CDKN2B-AS1: variants seen among roughly 807,000 people sequenced by gnomAD.
CDKN2B-AS1 encodes the protein CDKN2B antisense RNA 1 (non-protein coding).
chr9:22,046,173 G>A (rs1823101953), intron 1 of CDKN2B-AS1: 1 of 152,014 alleles, frequency 6.6e-6, no homozygotes, highest in Non-Finnish European at 1.5e-5. Context: ...CAAAGTGGAG[G>A]ACTATATCTA....
intron 4 of CDKN2B-AS1, among the ~76,000 whole-genome samples, chr9:22,090,162 CT>C (rs1316555616): frequency 6.6e-6 from 1 of 152,034 alleles, no homozygotes; most frequent in Non-Finnish European, 1.5e-5. Flanking sequence ...TGAACTCATC[CT>C]TTTTTATGGC....
At chr9:22,123,150 A>C (rs898204170) in intron 4 of CDKN2B-AS1, among the ~76,000 whole-genome samples, 2 of 151,976 alleles carry the variant, frequency 1.3e-5, no homozygotes, top group African/African-American at 4.8e-5. Context: ...TTGCTTTTTC[A>C]GCTAGTTCAT....
At chr9:22,100,733 T>A (rs1388640452) in intron 4 of CDKN2B-AS1, among the ~76,000 whole-genome samples, 1 of 152,224 alleles carries the variant, frequency 6.6e-6, no homozygotes, top group Non-Finnish European at 1.5e-5. Context: ...GAAACTGTTT[T>A]CCAAAGTGGC....
chr9:22,086,150 A>G lies in CDKN2B-AS1; in HGVS notation n.438+29763A>G, dbSNP rs527350877. 1.4e-4 allele frequency among the ~76,000 whole-genome samples: 22 copies of G among 152,310 alleles called. No homozygotes were observed. In the South Asian group the frequency reaches 4.6e-3, roughly 32 times the overall value. Reference sequence around the variant, plus strand: ...ATTGGAATAAAAATCTCAATGTGGTAGAGTTATTATTGAGATGAAAATCAG... The same window carrying G: ...ATTGGAATAAAAATCTCAATGTGGTGGAGTTATTATTGAGATGAAAATCAG... On this transcript the variant is annotated intron_variant and non_coding_transcript_variant, in intron 4 of 4. Coordinates refer to ENST00000650946, the Ensembl canonical transcript of CDKN2B-AS1.
chr9:22,072,251 A>G (rs912876932), intron 4 of CDKN2B-AS1, among the ~76,000 whole-genome samples: 5 of 152,178 alleles, frequency 3.3e-5, no homozygotes, highest in Non-Finnish European at 7.4e-5. Flanking sequence ...TAATTCCTTG[A>G]TAGGTTCTTT....
chr9:22,072,440 A>C (rs1264610102), intron 4 of CDKN2B-AS1, among the ~76,000 whole-genome samples: 2 of 152,038 alleles, frequency 1.3e-5, no homozygotes, highest in African/African-American at 4.8e-5. Context: ...AGACAGAGAC[A>C]CTAGTTATGC....
In CDKN2B-AS1 at chr9:22,071,285, CTTTTTTTT is replaced by C. The variant is rs71336509; in HGVS notation, n.438+14922_438+14929del. Among the ~76,000 whole-genome samples the C allele has an allele frequency of 7.3e-3, 492 of 67,528 alleles. 13 individuals are homozygous for C. Among genetic ancestry groups the C allele is most frequent in the Middle Eastern group, 0.015 (2 of 132 alleles). 44.3% of individuals were successfully genotyped at this position (67,528 alleles called of 152,430 possible). On this transcript the variant is annotated intron_variant and non_coding_transcript_variant, in intron 4 of 4. Coordinates refer to ENST00000650946, the Ensembl canonical transcript of CDKN2B-AS1. ...AGAGGCCAGGCTTAGAAATATCTAG[CTTTTTTTT>C]TTTTTTTTTTTTTTTTTTTTTTTAG...
intron 1 of CDKN2B-AS1, among the ~76,000 whole-genome samples, chr9:22,032,429 C>G (rs1373270139): frequency 3.3e-5 from 5 of 152,196 alleles, no homozygotes; most frequent in Non-Finnish European, 5.9e-5. Context: ...ATGTCTGTAT[C>G]TACAAAATGT....
chr9:22,038,717 A>G (rs1377066330), intron 1 of CDKN2B-AS1, among the ~76,000 whole-genome samples: 6 of 152,064 alleles, frequency 3.9e-5, no homozygotes, highest in Admixed American at 6.6e-5. Context: ...GGTTAATGAT[A>G]GAGACCAACA....
At position 22,006,399 on chromosome 9, in the gene CDKN2B-AS1, T is replaced by C. The variant is rs1821192208; in HGVS notation, n.29+11238T>C. ...GTTCAGGTCTCTGATGTCTGGTGTT[T>C]CTTCATTTGCTGATGCAATCCACTT... On this transcript the variant is annotated intron_variant and non_coding_transcript_variant, in intron 1 of 4. Transcript: ENST00000650946. The surrounding 1 kb of genome is among the most constrained non-coding windows in gnomAD (Gnocchi z 6.4). The C allele has an allele frequency of 9.4e-7, 1 of 1,064,752 alleles. No homozygotes were observed. Among genetic ancestry groups the C allele is most frequent in the Non-Finnish European group, 1.4e-6 (1 of 728,420 alleles). 66.0% of individuals were successfully genotyped at this position (1,064,752 alleles called of 1,614,324 possible).
rs186647683 is a variant in CDKN2B-AS1, at chr9:21,997,922, A to C, written n.29+2761A>C. Among the ~76,000 whole-genome samples the C allele has an allele frequency of 6.6e-6, 1 of 152,082 alleles. No individual in the cohort carries two copies. The highest frequency in any genetic ancestry group is 1.5e-5 in the Non-Finnish European group (1 of 68,008). ...GGATCAAATTTAAATTGAGGGATCTATCTTTGTTTATTGGAGCCATATAGC... is the reference window on the plus strand; with the variant it reads ...GGATCAAATTTAAATTGAGGGATCTCTCTTTGTTTATTGGAGCCATATAGC... On this transcript the variant is annotated intron_variant and non_coding_transcript_variant, in intron 1 of 4. Coordinates refer to ENST00000650946, the Ensembl canonical transcript of CDKN2B-AS1. The surrounding 1 kb of genome is among the most constrained non-coding windows in gnomAD (Gnocchi z 4.8).
chr9:22,093,875 T>G (rs1009526344), intron 4 of CDKN2B-AS1, among the ~76,000 whole-genome samples: 3 of 144,512 alleles, frequency 2.1e-5, no homozygotes, highest in Non-Finnish European at 4.4e-5. Context: ...GTTAGCTGGT[T>G]ATTTTGCTCA....
At chr9:22,072,686 T>C (rs1166636292) in intron 4 of CDKN2B-AS1, among the ~76,000 whole-genome samples, 1 of 152,196 alleles carries the variant, frequency 6.6e-6, no homozygotes, top group African/African-American at 2.4e-5. Context: ...TAGTGACATA[T>C]TAGACTCCAA....
intron 1 of CDKN2B-AS1, among the ~76,000 whole-genome samples, chr9:22,023,353 T>C (rs1822089839): frequency 6.6e-6 from 1 of 152,190 alleles, no homozygotes; most frequent in Admixed American, 6.5e-5. Context: ...CTTGTCTGCT[T>C]GTCTAATTTT....
intron 1 of CDKN2B-AS1, among the ~76,000 whole-genome samples, chr9:22,034,888 C>G (rs974174958): frequency 6.6e-6 from 1 of 152,082 alleles, no homozygotes; most frequent in Non-Finnish European, 1.5e-5. Context: ...AATTTGCTAA[C>G]CTGTGGTATA....
chr9:22,123,135 CT>C (rs1158862255), intron 4 of CDKN2B-AS1, among the ~76,000 whole-genome samples: 1 of 152,004 alleles, frequency 6.6e-6, no homozygotes, highest in African/African-American at 2.4e-5. Context: ...GGATTGCCTT[CT>C]TGATTGCTTT....
intron 1 of CDKN2B-AS1, among the ~76,000 whole-genome samples, chr9:22,032,167 T>A (rs1822503665): frequency 6.6e-6 from 1 of 152,114 alleles, no homozygotes; most frequent in Non-Finnish European, 1.5e-5. Context: ...GGGAGAATGG[T>A]CATTTGTGAT....
intron 4 of CDKN2B-AS1, among the ~76,000 whole-genome samples, chr9:22,086,157 T>C (rs542350152): frequency 6.6e-6 from 1 of 152,294 alleles, no homozygotes; most frequent in East Asian, 1.9e-4. Context: ...GGTAGAGTTA[T>C]TATTGAGATG....
At position 22,127,699 on chromosome 9, in the gene CDKN2B-AS1, C is replaced by T. The variant is rs1034061687; in HGVS notation, n.1035C>T. 2.0e-5 allele frequency among the ~76,000 whole-genome samples: 3 copies of T among 152,064 alleles called. 1 individual carries two copies. Among genetic ancestry groups the T allele is most frequent in the Non-Finnish European group, 1.5e-5 (1 of 68,030 alleles). On this transcript the variant is annotated non_coding_transcript_exon_variant, in exon 5 of 5. Coordinates refer to ENST00000650946, the Ensembl canonical transcript of CDKN2B-AS1. ...AAGGGAGACAGGAGGGTCCCAAATA[C>T]GAACTTTGACTTAACGAGGATGATT...
Sources: gnomAD v4.1 joint callset for allele counts (sites outside exome capture counted in the v4.1 genomes callset) on GRCh38, gnomAD v4.1.1 for gene constraint, Gnocchi (gnomAD v3.1) non-coding constraint, MANE v1.5 for transcripts, NCBI Gene and HGNC (gene_info 2026-07-23, HGNC 2026-07-21) for gene names.